Variants in ZC3H3 observed in about 807,000 individuals in gnomAD.
ZC3H3 encodes zinc finger CCCH domain-containing protein 3.
In ZC3H3, 36 loss-of-function variants were observed where a neutral mutation model predicts 77.3. The observed-to-expected ratio is 0.47, with a 90% CI of 0.36 to 0.61. ZC3H3 has a LOEUF of 0.61. ZC3H3 is among the 20% of genes least tolerant of loss of function. The pLI, the probability that ZC3H3 is intolerant of heterozygous loss-of-function variation, is 0.00. For synonymous variants in ZC3H3, 626 were observed against 555.2 expected (o/e 1.13, Z -1.79); for missense variants, 1,331 against 1,312.2 (o/e 1.01, Z -0.22).
chr8:143,535,448 C>G (rs1822762878), intron 3 of ZC3H3, among the ~76,000 whole-genome samples: 2 of 152,226 alleles, frequency 1.3e-5, no homozygotes, highest in Admixed American at 1.3e-4. Context: ...CTCGGGAAGT[C>G]ACTGCCCTAA....
chr8:143,452,968 G>C lies in ZC3H3; in HGVS notation c.2308-11848C>G, dbSNP rs190448219. On this transcript the variant is annotated intron_variant, in intron 9 of 11. Coordinates refer to ENST00000262577, the MANE Select transcript of ZC3H3 (RefSeq NM_015117.3). ...AGGAAGTTGAGCAAACCTCAGACAG[G>C]ATAGACCAAAGACATCTACCCCAGA... Among the ~76,000 whole-genome samples the C allele has an allele frequency of 3.5e-4, 53 of 152,222 alleles. 2 individuals are homozygous for C. The East Asian group carries it at 4.2e-3, about 12-fold the overall frequency.
chr8:143,535,304 G>A (rs1822758555), intron 3 of ZC3H3, among the ~76,000 whole-genome samples: 1 of 152,214 alleles, frequency 6.6e-6, no homozygotes, highest in African/African-American at 2.4e-5. Flanking sequence ...CTCCCAAAGA[G>A]CTGGGATTAC....
chr8:143,510,401 T>C (rs942513872), intron 3 of ZC3H3, among the ~76,000 whole-genome samples: 1 of 152,322 alleles, frequency 6.6e-6, no homozygotes, highest in East Asian at 1.9e-4. Flanking sequence ...GCAGTCCCTG[T>C]CATTCCCAGA....
At chr8:143,522,737 G>A (rs1319704190) in intron 3 of ZC3H3, among the ~76,000 whole-genome samples, 3 of 152,160 alleles carry the variant, frequency 2.0e-5, no homozygotes, top group Non-Finnish European at 4.4e-5. Context: ...TGGGCAACAT[G>A]GTGAGACCCT....
At chr8:143,484,613 C>T (rs73715625) in intron 4 of ZC3H3, 2,809 of 164,196 alleles carry the variant, frequency 0.017, 79 homozygotes, top group African/African-American at 0.063. Context: ...GTGCCGAGTT[C>T]AGCTCGTCCG....
rs527442212 is a variant in ZC3H3, at chr8:143,518,900, G to A, written c.1562-11001C>T. Among the ~76,000 whole-genome samples the A allele has an allele frequency of 4.6e-5, 7 of 152,374 alleles. No individual in the cohort carries two copies. In the East Asian group the frequency reaches 1.4e-3, roughly 29 times the overall value. On this transcript the variant is annotated intron_variant, in intron 3 of 11. Transcript: ENST00000262577. ...CCTGGCCTTGACCGGGGTGGCACCA[G>A]CCCGGCAGGCAGCCCATTGCCTTTG...
At chr8:143,484,526 C>T (rs966722612) in intron 4 of ZC3H3, 1 of 154,696 alleles carries the variant, frequency 6.5e-6, no homozygotes, top group Non-Finnish European at 1.4e-5. Context: ...TTTAAAAATC[C>T]ATTTCAGCTG....
intron 3 of ZC3H3, among the ~76,000 whole-genome samples, chr8:143,517,767 T>C (rs1332771055): frequency 6.6e-6 from 1 of 152,130 alleles, no homozygotes; most frequent in Non-Finnish European, 1.5e-5. Context: ...AGAACGCCTC[T>C]TCACCTTGTC....
chr8:143,505,021 C>T (rs1025896595), intron 4 of ZC3H3, among the ~76,000 whole-genome samples: 1 of 152,180 alleles, frequency 6.6e-6, no homozygotes, highest in African/African-American at 2.4e-5. Context: ...AGTGAGGGGT[C>T]GGCTGGGGCA....
At chr8:143,446,508 CTCACCAAAAAGATTCCAAAAA>C (rs1203897740) in intron 9 of ZC3H3, among the ~76,000 whole-genome samples, 1 of 152,162 alleles carries the variant, frequency 6.6e-6, no homozygotes, top group African/African-American at 2.4e-5. Context: ...CACCCTCACC[CTCACCAAAAAGATTCCAAAAA>C]TCACCAAAAA....
chr8:143,481,391 C>T (rs1269749059), intron 4 of ZC3H3, among the ~76,000 whole-genome samples: 1 of 152,200 alleles, frequency 6.6e-6, no homozygotes, highest in African/African-American at 2.4e-5. Flanking sequence ...TGACATCCCA[C>T]CCCACGTGAG....
At chr8:143,448,770 C>T (rs1420145549) in intron 9 of ZC3H3, among the ~76,000 whole-genome samples, 2 of 152,214 alleles carry the variant, frequency 1.3e-5, no homozygotes, top group Non-Finnish European at 2.9e-5. Flanking sequence ...GGAGACTCTG[C>T]GTGGGGGCTC....
intron 1 of ZC3H3, among the ~76,000 whole-genome samples, chr8:143,540,193 A>G (rs1822964033): frequency 1.3e-5 from 2 of 149,252 alleles, no homozygotes; most frequent in Admixed American, 1.3e-4. Flanking sequence ...GAGTAAAAGC[A>G]AAAAGGATTT....
chr8:143,445,384 GAA>G (rs553654651), intron 9 of ZC3H3, among the ~76,000 whole-genome samples: 3 of 19,204 alleles, frequency 1.6e-4, no homozygotes, highest in Admixed American at 7.1e-4. Context: ...TTTGTCTTAA[GAA>G]AAAAAAAAAA....
intron 3 of ZC3H3, among the ~76,000 whole-genome samples, chr8:143,532,480 T>C (rs1255055113): frequency 6.6e-6 from 1 of 152,110 alleles, no homozygotes; most frequent in Non-Finnish European, 1.5e-5. Flanking sequence ...GGGCAGAAAA[T>C]GGGGAAAGAA....
intron 4 of ZC3H3, among the ~76,000 whole-genome samples, chr8:143,501,363 C>A (rs1368134788): frequency 6.6e-6 from 1 of 152,144 alleles, no homozygotes; most frequent in Non-Finnish European, 1.5e-5. Flanking sequence ...GCCATCACAC[C>A]CAGCTAATTT....
intron 5 of ZC3H3, among the ~76,000 whole-genome samples, chr8:143,473,517 CG>C (rs1277462881): frequency 6.6e-6 from 1 of 152,162 alleles, no homozygotes; most frequent in Non-Finnish European, 1.5e-5. Context: ...GGTGAGGGCT[CG>C]GGGTGCCCTT....
intron 3 of ZC3H3, among the ~76,000 whole-genome samples, chr8:143,515,167 C>T (rs934687258): frequency 1.3e-5 from 2 of 152,230 alleles, no homozygotes; most frequent in African/African-American, 2.4e-5. Flanking sequence ...CTCCCCGATC[C>T]GGAAGCCCAG....
intron 4 of ZC3H3, among the ~76,000 whole-genome samples, chr8:143,476,241 C>T (rs1820731055): frequency 6.6e-6 from 1 of 152,206 alleles, no homozygotes; most frequent in East Asian, 1.9e-4. Context: ...GCTCAGAGAG[C>T]CCTGCACTGA....
Sources: allele counts gnomAD v4.1 joint callset (sites outside exome capture counted in the v4.1 genomes callset), GRCh38; gene constraint gnomAD v4.1.1; transcripts MANE v1.5; gene names NCBI Gene and HGNC (gene_info 2026-07-23, HGNC 2026-07-21).